The following COL5A2 variants were observed in gnomAD, a reference collection of about 807,000 sequenced individuals.
The protein encoded by COL5A2 is collagen alpha-2(V) chain.
A neutral mutation model predicts 208.2 loss-of-function variants in COL5A2; 23 were observed. That is an observed-to-expected ratio of 0.11 (90% confidence interval 0.08 to 0.16). The LOEUF (loss-of-function observed/expected upper bound fraction) is 0.16, where lower values mean the gene tolerates loss of function less well. COL5A2 is among the 10% of genes least tolerant of loss of function. The probability of loss-of-function intolerance (pLI) is 1.00; values close to 1 mark genes in which losing one functional copy is unlikely to be tolerated. For synonymous variants in COL5A2, 625 were observed against 628.5 expected (o/e 0.99, Z 0.08); for missense variants, 1,590 against 1,956.4 (o/e 0.81, Z 3.53).
At chr2:189,365,229 C>T in the COL5A2 span, among the ~76,000 whole-genome samples, 2 of 152,276 alleles carry the variant, frequency 1.3e-5, no homozygotes, top group South Asian at 2.1e-4. Context: ...ATTATATGAG[C>T]TTCAGACACC....
the COL5A2 span, among the ~76,000 whole-genome samples, chr2:189,440,894 C>T: frequency 1.3e-5 from 2 of 152,136 alleles, no homozygotes; most frequent in African/African-American, 4.8e-5. Flanking sequence ...GAGTAGGAGC[C>T]AGATTTCCAA....
chr2:189,411,059 G>A, the COL5A2 span, among the ~76,000 whole-genome samples: 7 of 151,918 alleles, frequency 4.6e-5, no homozygotes, highest in Non-Finnish European at 1.0e-4. Flanking sequence ...GTTTTTTTAT[G>A]TTTCCCAAAC....
chr2:189,048,455 TCTTA>T (rs1207425778), intron 44 of COL5A2, among the ~76,000 whole-genome samples, 193 bp from the exon 45 acceptor site: 7 of 152,200 alleles, frequency 4.6e-5, no homozygotes, highest in East Asian at 1.9e-4. Context: ...ATTAACATAT[TCTTA>T]CTTAATCCAT....
At chr2:189,044,398 G>T (rs1409785471) in intron 47 of COL5A2, among the ~76,000 whole-genome samples, 1 of 152,014 alleles carries the variant, frequency 6.6e-6, no homozygotes, top group Non-Finnish European at 1.5e-5. Flanking sequence ...TCTTTTATTT[G>T]GGGGATGACC....
At chr2:189,036,428 T>A (rs1007209774) in intron 52 of COL5A2, among the ~76,000 whole-genome samples, 188 bp downstream of exon 52, 1 of 152,148 alleles carries the variant, frequency 6.6e-6, no homozygotes, top group Non-Finnish European at 1.5e-5. Context: ...TTATGTTAAC[T>A]TCACTCATAG....
At chr2:189,071,120 A>AT in intron 18 of COL5A2, among the ~76,000 whole-genome samples, 1 of 152,274 alleles carries the variant, frequency 6.6e-6, no homozygotes, top group South Asian at 2.1e-4. Flanking sequence ...ACTTACATTG[A>AT]GGGTGTCCTC....
At chr2:189,299,548 G>C in the COL5A2 span, among the ~76,000 whole-genome samples, 1 of 152,084 alleles carries the variant, frequency 6.6e-6, no homozygotes, top group African/African-American at 2.4e-5. Flanking sequence ...ACTCCCTAAT[G>C]GTACAATATA....
chr2:189,206,201 T>A (rs13015183), intron 1 of COL5A2, among the ~76,000 whole-genome samples: 11 of 152,040 alleles, frequency 7.2e-5, no homozygotes, highest in African/African-American at 2.7e-4. Flanking sequence ...GGAAGGGCAG[T>A]GAGTTACCAT....
the COL5A2 span, among the ~76,000 whole-genome samples, chr2:189,388,797 T>C: frequency 2.0e-5 from 3 of 152,116 alleles, no homozygotes; most frequent in Non-Finnish European, 4.4e-5. Flanking sequence ...GTCCTCTGCT[T>C]GGCATATTTC....
chr2:189,073,878 C>G (rs1302352294), intron 17 of COL5A2, among the ~76,000 whole-genome samples: 1 of 152,094 alleles, frequency 6.6e-6, no homozygotes, highest in Non-Finnish European at 1.5e-5. Flanking sequence ...GTGTCCTTGA[C>G]TGAATAATAG....
At chr2:189,239,125 A>G in the COL5A2 span, among the ~76,000 whole-genome samples, 2 of 152,118 alleles carry the variant, frequency 1.3e-5, no homozygotes, top group East Asian at 3.8e-4. Flanking sequence ...ACTACCAGAT[A>G]TTCAATTCTA....
chr2:189,256,298 A>G, the COL5A2 span, among the ~76,000 whole-genome samples: 1 of 152,210 alleles, frequency 6.6e-6, no homozygotes, highest in African/African-American at 2.4e-5. Flanking sequence ...TGAAAACAGG[A>G]AGAGTTTCAA....
the COL5A2 span, among the ~76,000 whole-genome samples, chr2:189,405,338 T>C: frequency 6.6e-6 from 1 of 152,086 alleles, no homozygotes; most frequent in Non-Finnish European, 1.5e-5. Context: ...TTCAAGTGAT[T>C]CTCATGCCTC....
intron 1 of COL5A2, among the ~76,000 whole-genome samples, chr2:189,123,545 G>A (rs1476174116): frequency 6.6e-6 from 1 of 152,122 alleles, no homozygotes; most frequent in African/African-American, 2.4e-5. Flanking sequence ...ACTCATTTCT[G>A]TTGTCATAAG....
At chr2:189,331,941 C>A in the COL5A2 span, among the ~76,000 whole-genome samples, 4 of 143,116 alleles carry the variant, frequency 2.8e-5, no homozygotes, top group Non-Finnish European at 4.6e-5. Flanking sequence ...CAGAGCAAGA[C>A]TCCGTCTCAA....
the COL5A2 span, among the ~76,000 whole-genome samples, chr2:189,288,755 TAAAAG>T: frequency 6.6e-6 from 1 of 151,834 alleles, no homozygotes; most frequent in African/African-American, 2.4e-5. Flanking sequence ...ACAAAGACAC[TAAAAG>T]AAAAGAAAAT....
chr2:189,234,975 T>C, the COL5A2 span, among the ~76,000 whole-genome samples: 33 of 151,852 alleles, frequency 2.2e-4, no homozygotes, highest in East Asian at 5.2e-3. Flanking sequence ...GGTTCAATAA[T>C]ATACATCATT....
chr2:189,280,727 T>C, the COL5A2 span, among the ~76,000 whole-genome samples: 1 of 152,072 alleles, frequency 6.6e-6, no homozygotes, highest in Non-Finnish European at 1.5e-5. Context: ...ATAAGTCAAA[T>C]AGATCAACTG....
intron 1 of COL5A2, among the ~76,000 whole-genome samples, chr2:189,153,682 C>A (rs1286442673): frequency 2.6e-5 from 4 of 152,036 alleles, no homozygotes; most frequent in African/African-American, 9.7e-5. Flanking sequence ...AAAGTTTGTT[C>A]TCTTGGCTCA....
Sources: gnomAD v4.1 joint callset for allele counts (sites outside exome capture counted in the v4.1 genomes callset) on GRCh38, gnomAD v4.1.1 for gene constraint, MANE v1.5 for transcripts, NCBI Gene and HGNC (gene_info 2026-07-23, HGNC 2026-07-21) for gene names.